Variants in ENTREP2 observed in about 807,000 individuals in gnomAD.
ENTREP2 encodes endosomal transmembrane epsin interactor 2, also known as protein ENTREP2.
At chr15:29,161,656 T>C in the ENTREP2 span, among the ~76,000 whole-genome samples, 1 of 152,186 alleles carries the variant, frequency 6.6e-6, no homozygotes, top group Admixed American at 6.5e-5. Context: ...AAATAGGTGG[T>C]TGCTAAATAT....
At chr15:29,339,096 C>T in the ENTREP2 span, among the ~76,000 whole-genome samples, 1 of 152,202 alleles carries the variant, frequency 6.6e-6, no homozygotes, top group Admixed American at 6.5e-5. Flanking sequence ...ACTGCAAGTC[C>T]ATCACCTGCA....
chr15:29,214,991 G>C, the ENTREP2 span, among the ~76,000 whole-genome samples: 1 of 152,104 alleles, frequency 6.6e-6, no homozygotes, highest in Non-Finnish European at 1.5e-5. Flanking sequence ...TTGTTTCTTT[G>C]CTGACTTTTT....
chr15:29,368,640 G>A, the ENTREP2 span, among the ~76,000 whole-genome samples: 1 of 151,918 alleles, frequency 6.6e-6, no homozygotes, highest in South Asian at 2.1e-4. Flanking sequence ...GGGAGACTGA[G>A]GCAGGAGGAC....
At chr15:29,147,604 T>C in the ENTREP2 span, among the ~76,000 whole-genome samples, 1 of 152,076 alleles carries the variant, frequency 6.6e-6, no homozygotes, top group Non-Finnish European at 1.5e-5. Context: ...CACAATGAAA[T>C]ACCACTTCAC....
chr15:29,615,483 C>T, the ENTREP2 span, among the ~76,000 whole-genome samples: 1 of 152,096 alleles, frequency 6.6e-6, no homozygotes, highest in Admixed American at 6.5e-5. Flanking sequence ...CCTTCCTTTT[C>T]CCTAATCAGA....
chr15:29,489,762 C>A, the ENTREP2 span, among the ~76,000 whole-genome samples: 4 of 152,294 alleles, frequency 2.6e-5, no homozygotes, highest in East Asian at 7.7e-4. Flanking sequence ...CTGCCTGATG[C>A]CGTCCACAAA....
the ENTREP2 span, among the ~76,000 whole-genome samples, chr15:29,497,119 C>T: frequency 2.6e-5 from 4 of 152,238 alleles, no homozygotes; most frequent in South Asian, 2.1e-4. Flanking sequence ...CTTGCTCTCT[C>T]GCACTCTTTT....
the ENTREP2 span, among the ~76,000 whole-genome samples, chr15:29,611,458 C>T: frequency 1.3e-5 from 2 of 152,202 alleles, no homozygotes; most frequent in Non-Finnish European, 2.9e-5. Flanking sequence ...CCCATCATCC[C>T]CTAGCGTCTA....
At chr15:29,633,634 T>G in the ENTREP2 span, among the ~76,000 whole-genome samples, 1 of 152,102 alleles carries the variant, frequency 6.6e-6, no homozygotes, top group Non-Finnish European at 1.5e-5. Context: ...AGAAGGAAAC[T>G]ATTTTAGTGT....
the ENTREP2 span, among the ~76,000 whole-genome samples, chr15:29,371,289 C>T: frequency 1.3e-5 from 2 of 151,294 alleles, no homozygotes; most frequent in Non-Finnish European, 2.9e-5. Flanking sequence ...ACCACGCATA[C>T]TAGGGTGGAG....
the ENTREP2 span, among the ~76,000 whole-genome samples, chr15:29,159,258 G>C: frequency 6.6e-6 from 1 of 152,082 alleles, no homozygotes; most frequent in Non-Finnish European, 1.5e-5. Context: ...AGCTCTTAAG[G>C]CGGCGTGTCT....
At chr15:29,214,249 C>T in the ENTREP2 span, among the ~76,000 whole-genome samples, 1 of 152,148 alleles carries the variant, frequency 6.6e-6, no homozygotes, top group African/African-American at 2.4e-5. Flanking sequence ...CATATGTTTA[C>T]TGCGGCACTA....
chr15:29,223,638 C>A, the ENTREP2 span, among the ~76,000 whole-genome samples: 1 of 152,164 alleles, frequency 6.6e-6, no homozygotes, highest in South Asian at 2.1e-4. Context: ...GACCACACTT[C>A]TTGCAGACAC....
chr15:29,316,778 A>G, the ENTREP2 span, among the ~76,000 whole-genome samples: 1 of 152,218 alleles, frequency 6.6e-6, no homozygotes, highest in Non-Finnish European at 1.5e-5. Context: ...TCTGCTACTT[A>G]GTCACACAGC....
the ENTREP2 span, among the ~76,000 whole-genome samples, chr15:29,223,851 T>A: frequency 1.4e-3 from 214 of 152,232 alleles, no homozygotes; most frequent in African/African-American, 4.9e-3. Flanking sequence ...AAGCAGGCAC[T>A]CTCTGGAGAG....
chr15:29,607,715 C>G, the ENTREP2 span, among the ~76,000 whole-genome samples: 1 of 151,868 alleles, frequency 6.6e-6, no homozygotes, highest in Non-Finnish European at 1.5e-5. Context: ...TTCTAGTGCT[C>G]GTTTTTTCAT....
At chr15:29,473,120 G>A in the ENTREP2 span, among the ~76,000 whole-genome samples, 1 of 152,122 alleles carries the variant, frequency 6.6e-6, no homozygotes, top group Non-Finnish European at 1.5e-5. Flanking sequence ...TGGACAGGAC[G>A]GTGTTTTTCC....
the ENTREP2 span, among the ~76,000 whole-genome samples, chr15:29,432,605 C>T: frequency 6.6e-6 from 1 of 152,222 alleles, no homozygotes; most frequent in Non-Finnish European, 1.5e-5. Flanking sequence ...CCCCAGTGCA[C>T]ACTGGGGGAA....
the ENTREP2 span, among the ~76,000 whole-genome samples, chr15:29,451,703 A>C: frequency 1.3e-5 from 2 of 152,160 alleles, no homozygotes; most frequent in Non-Finnish European, 2.9e-5. Context: ...TCCCCACCGG[A>C]ACCTTGCAGG....
Sources: allele counts gnomAD v4.1 joint callset (sites outside exome capture counted in the v4.1 genomes callset), GRCh38; gene constraint gnomAD v4.1.1; transcripts MANE v1.5; gene names NCBI Gene and HGNC (gene_info 2026-07-23, HGNC 2026-07-21).